GARIN5B: variants seen among roughly 807,000 people sequenced by gnomAD.
The protein encoded by GARIN5B is Golgi-associated RAB2 interactor protein 5B.
At chr19:55,355,488 T>C in the GARIN5B span, 1 of 741,838 alleles carries the variant, frequency 1.3e-6, no homozygotes, top group South Asian at 1.6e-5. Flanking sequence ...CTCACTGTTG[T>C]ATCTGCCTGG....
the GARIN5B span, chr19:55,361,038 C>G: frequency 1.3e-6 from 2 of 1,550,894 alleles, no homozygotes; most frequent in East Asian, 4.9e-5. Context: ...CAGCATGCTC[C>G]AGCTGCGACC....
At chr19:55,358,491 G>T in the GARIN5B span, 1 of 1,537,110 alleles carries the variant, frequency 6.5e-7, no homozygotes, top group Non-Finnish European at 8.8e-7. Context: ...ACCTTGGGTG[G>T]CCCCTTGGGG....
chr19:55,362,642 G>T, the GARIN5B span: 1 of 1,547,590 alleles, frequency 6.5e-7, no homozygotes. Flanking sequence ...AAGATGTCAG[G>T]CAACACCAGG....
chr19:55,358,289 A>T, the GARIN5B span: 1 of 1,550,440 alleles, frequency 6.4e-7, no homozygotes, highest in Non-Finnish European at 8.7e-7. Context: ...CTGGGCTGGC[A>T]TCCTCATGGG....
chr19:55,361,781 GACCCCACA>G, the GARIN5B span, among the ~76,000 whole-genome samples: 4 of 43,744 alleles, frequency 9.1e-5, 1 homozygote, highest in African/African-American at 2.1e-4. Flanking sequence ...CAGGAGTCCA[GACCCCACA>G]GCCCCTCCTC....
the GARIN5B span, chr19:55,361,344 G>T: frequency 3.2e-6 from 5 of 1,542,364 alleles, no homozygotes; most frequent in Non-Finnish European, 4.4e-6. Flanking sequence ...AAGAGCCAAA[G>T]GGTGCAGCTC....
the GARIN5B span, chr19:55,360,861 C>T: frequency 8.4e-6 from 13 of 1,547,458 alleles, no homozygotes; most frequent in East Asian, 2.4e-5. Flanking sequence ...ACCAGGCAAG[C>T]GGATTTGGGT....
chr19:55,359,168 A>G, the GARIN5B span: 1 of 1,551,220 alleles, frequency 6.4e-7, no homozygotes, highest in Non-Finnish European at 8.7e-7. Flanking sequence ...TCCTGTTGGC[A>G]ACACGTCAAA....
the GARIN5B span, among the ~76,000 whole-genome samples, chr19:55,357,892 A>G: frequency 6.6e-6 from 1 of 152,116 alleles, no homozygotes; most frequent in Non-Finnish European, 1.5e-5. Flanking sequence ...CATCTCTACT[A>G]AAAATACAAA....
chr19:55,358,422 G>A, the GARIN5B span: 1 of 1,509,014 alleles, frequency 6.6e-7, no homozygotes, highest in Non-Finnish European at 8.9e-7. Flanking sequence ...AGGGGGATAG[G>A]CGCCTGGGAG....
chr19:55,362,500 C>T, the GARIN5B span: 1 of 1,526,888 alleles, frequency 6.5e-7, no homozygotes, highest in Admixed American at 2.0e-5. Context: ...CCAGGGGGAT[C>T]ATCCTGGGAG....
chr19:55,359,917 G>A, the GARIN5B span: 1 of 1,551,322 alleles, frequency 6.4e-7, no homozygotes, highest in Non-Finnish European at 8.7e-7. Flanking sequence ...CTGAGACACA[G>A]TGTGAAGGGC....
At chr19:55,355,067 A>C in the GARIN5B span, 3 of 320,916 alleles carry the variant, frequency 9.3e-6, no homozygotes, top group Admixed American at 4.6e-5. Flanking sequence ...TCCGCTTCCT[A>C]CAGTCGGTGC....
chr19:55,360,065 C>T, the GARIN5B span: 1 of 1,352,120 alleles, frequency 7.4e-7, no homozygotes, highest in Non-Finnish European at 9.9e-7. Flanking sequence ...CTCCCTCCTC[C>T]CTCAGACTCA....
the GARIN5B span, chr19:55,360,643 C>T: frequency 2.6e-6 from 4 of 1,540,160 alleles, no homozygotes; most frequent in Non-Finnish European, 3.5e-6. Flanking sequence ...CCTCCAGCCC[C>T]TCCTCCCTCA....
the GARIN5B span, chr19:55,362,915 A>G: frequency 6.7e-7 from 1 of 1,499,892 alleles, no homozygotes; most frequent in Non-Finnish European, 8.9e-7. Flanking sequence ...GGAACTGGAG[A>G]CCTGAACAAA....
the GARIN5B span, chr19:55,358,319 G>A: frequency 6.5e-7 from 1 of 1,541,632 alleles, no homozygotes; most frequent in Non-Finnish European, 8.8e-7. Context: ...CACCCTCTTG[G>A]GCTGCTGGGA....
the GARIN5B span, among the ~76,000 whole-genome samples, chr19:55,355,634 T>G: frequency 6.6e-6 from 1 of 152,206 alleles, no homozygotes; most frequent in African/African-American, 2.4e-5. Context: ...CTCTCCCTCC[T>G]GCCTGGTTAA....
the GARIN5B span, chr19:55,359,507 G>T: frequency 6.4e-7 from 1 of 1,551,060 alleles, no homozygotes; most frequent in Non-Finnish European, 8.7e-7. Context: ...AGCAGGTACA[G>T]CTGGGGCCTT....
Sources: allele counts gnomAD v4.1 joint callset (sites outside exome capture counted in the v4.1 genomes callset), GRCh38; gene constraint gnomAD v4.1.1; transcripts MANE v1.5; gene names NCBI Gene and HGNC (gene_info 2026-07-23, HGNC 2026-07-21).